Variants in POTEG observed in about 807,000 individuals in gnomAD.
The protein encoded by POTEG is ANKRD26-like family C member 2.
Under a neutral mutation model 49.6 loss-of-function variants are expected in POTEG, and 2 were observed. That is an observed-to-expected ratio of 0.04 (90% CI 0.02 to 0.13). The LOEUF is 0.13. POTEG is among the 10% of genes least tolerant of loss of function. POTEG has a pLI of 1.00. For synonymous variants in POTEG, 7 were observed against 186.6 expected (o/e 0.04, Z 7.84); for missense variants, 26 against 545.2 (o/e 0.05, Z 9.48).
intron 7 of POTEG, among the ~76,000 whole-genome samples, chr14:19,415,828 A>AAT (rs1566376906): frequency 7.5e-6 from 1 of 132,920 alleles, no homozygotes; most frequent in Non-Finnish European, 1.6e-5. Flanking sequence ...AATCTATTAA[A>AAT]ATTTTTTTTT....
chr14:19,415,644 C>A (rs1318527289), intron 7 of POTEG, among the ~76,000 whole-genome samples: 1 of 150,312 alleles, frequency 6.7e-6, no homozygotes, highest in Non-Finnish European at 1.5e-5. Context: ...TGCCTCTATT[C>A]CAAAAGGAAA....
intron 7 of POTEG, among the ~76,000 whole-genome samples, chr14:19,415,970 G>T (rs1380837955): frequency 2.0e-5 from 3 of 149,082 alleles, no homozygotes; most frequent in African/African-American, 7.3e-5. Flanking sequence ...TCAGCCTCCT[G>T]AGTAGCTGAG....
At chr14:19,432,378 A>ATG (rs1884172267) in intron 1 of POTEG, among the ~76,000 whole-genome samples, 1 of 79,700 alleles carries the variant, frequency 1.3e-5, no homozygotes, top group African/African-American at 4.4e-5. Context: ...ATATATATAT[A>ATG]TATATATATA....
rs58599371 is a variant in POTEG, at chr14:19,432,366, GTATATATATATATATA to G, written c.521+1387_521+1402del. Among the ~76,000 whole-genome samples, 221 of 37,854 alleles carry G rather than the reference GTATATATATATATATA, an allele frequency of 5.8e-3. 2 individuals carry two copies. The highest frequency in any genetic ancestry group is 0.035 in the Admixed American group (100 of 2,848). The allele number at this position is 37,854 out of a possible 152,430, so 24.8% of individuals were successfully genotyped here. A position where few individuals can be genotyped will look rare whatever the true frequency, so the allele number is the denominator to read the frequency against. On this transcript the variant is annotated intron_variant, in intron 1 of 10. Transcript: ENST00000547848. ...CCATCAAAAAAAAAAAAGAAATTTT[GTATATATATATATATA>G]TATATATATATATATATATATACAC...
intron 1 of POTEG, among the ~76,000 whole-genome samples, chr14:19,431,272 G>C (rs150790316): frequency 6.8e-6 from 1 of 146,726 alleles, no homozygotes; most frequent in African/African-American, 2.5e-5. Flanking sequence ...TTTGCATGTC[G>C]ACATATCTCT....
At position 19,415,848 on chromosome 14, in the gene POTEG, T is replaced by C. The variant is rs1344673739; in HGVS notation, c.1197+440A>G. Among the ~76,000 whole-genome samples the C allele has an allele frequency of 1.2e-3, 165 of 140,696 alleles. 1 individual carries two copies. The highest frequency in any genetic ancestry group is 8.3e-3 in the East Asian group (40 of 4,840). 92.3% of individuals were successfully genotyped at this position (140,696 alleles called of 152,430 possible). ...ATTAAAATTTTTTTTTTTTTTTTTT[T>C]TTTTTTTTTTTTTTTGACACAGAGT... On this transcript the variant is annotated intron_variant, in intron 7 of 10. Coordinates refer to ENST00000547848, the MANE Select transcript of POTEG (RefSeq NM_001005356.3).
At chr14:19,420,420 T>C (rs1312083598) in intron 6 of POTEG, among the ~76,000 whole-genome samples, 2 of 144,952 alleles carry the variant, frequency 1.4e-5, no homozygotes, top group Admixed American at 7.2e-5. Context: ...TTGTGCTCTG[T>C]AGCATTAGAA....
intron 1 of POTEG, among the ~76,000 whole-genome samples, chr14:19,432,369 T>TAC (rs1884170228): frequency 2.5e-5 from 1 of 39,330 alleles, no homozygotes; most frequent in Non-Finnish European, 5.8e-5. Context: ...AAATTTTGTA[T>TAC]ATATATATAT....
intron 1 of POTEG, among the ~76,000 whole-genome samples, chr14:19,432,403 T>TATATATAC (rs1330765784): frequency 0.019 from 830 of 44,032 alleles, 7 homozygotes; most frequent in East Asian, 0.046. Flanking sequence ...TATATATATA[T>TATATATAC]ACACACACAT....
At chr14:19,431,001 A>G (rs1884114320) in intron 1 of POTEG, among the ~76,000 whole-genome samples, 1 of 151,772 alleles carries the variant, frequency 6.6e-6, no homozygotes, top group Admixed American at 6.6e-5. Context: ...TAAATAATAG[A>G]ATGTGAGAAA....
chr14:19,425,777 G>T, intron 3 of POTEG, 65 bp from the exon 4 acceptor site: 1 of 280,094 alleles, frequency 3.6e-6, no homozygotes. Flanking sequence ...CAACCGAAGT[G>T]GAAACTTTAT....
chr14:19,432,312 C>T (rs1884162023), intron 1 of POTEG, among the ~76,000 whole-genome samples: 1 of 83,914 alleles, frequency 1.2e-5, no homozygotes, highest in African/African-American at 4.7e-5. Context: ...CGCACCACTG[C>T]ACTCCAGCCT....
At chr14:19,426,614 T>G (rs1355663706) in intron 3 of POTEG, 1 of 438,626 alleles carries the variant, frequency 2.3e-6, no homozygotes, top group African/African-American at 2.0e-5. Flanking sequence ...AGTGAATAAC[T>G]GATGGTAGAA....
intron 4 of POTEG, 57 bp downstream of exon 4, chr14:19,425,549 A>T: frequency 1.5e-6 from 1 of 664,504 alleles, no homozygotes; most frequent in Non-Finnish European, 2.2e-6. Flanking sequence ...TTTAATATTT[A>T]TGACTTGAGT....
chr14:19,432,395 TATATATATAC>T (rs1305171693), intron 1 of POTEG, among the ~76,000 whole-genome samples: 5 of 93,322 alleles, frequency 5.4e-5, no homozygotes, highest in African/African-American at 1.6e-4. Flanking sequence ...TATATATATA[TATATATATAC>T]ACACACATGT....
chr14:19,426,909 T>A, intron 3 of POTEG: 1 of 409,568 alleles, frequency 2.4e-6, no homozygotes. Context: ...GAGGACCATC[T>A]GAGCTTCGGG....
intron 7 of POTEG, among the ~76,000 whole-genome samples, chr14:19,415,834 T>A (rs142127954): frequency 0.038 from 534 of 14,168 alleles, 4 homozygotes; most frequent in African/African-American, 0.081. Context: ...TTAAAATTTT[T>A]TTTTTTTTTT....
intron 7 of POTEG, among the ~76,000 whole-genome samples, chr14:19,415,481 T>G (rs1883517518): frequency 6.8e-6 from 1 of 147,494 alleles, no homozygotes. Flanking sequence ...CTGGCCATGA[T>G]TACTCTTTAA....
intron 3 of POTEG, chr14:19,426,857 A>C (rs1483520123): frequency 2.4e-6 from 1 of 415,338 alleles, no homozygotes; most frequent in Non-Finnish European, 4.6e-6. Context: ...TAAAAATAAA[A>C]ATAAAAAGAA....
Sources: allele counts gnomAD v4.1 joint callset (sites outside exome capture counted in the v4.1 genomes callset), GRCh38; gene constraint gnomAD v4.1.1; transcripts MANE v1.5; gene names NCBI Gene and HGNC (gene_info 2026-07-23, HGNC 2026-07-21).